SERINC2: variants seen among roughly 807,000 people sequenced by gnomAD.
SERINC2 encodes the protein serine incorporator 2.
SERINC2 carries 56 observed loss-of-function variants against 54.2 expected under a neutral mutation model. That is an observed-to-expected ratio of 1.03 (90% confidence interval 0.83 to 1.29). The LOEUF (loss-of-function observed/expected upper bound fraction) is 1.29, where lower values mean the gene tolerates loss of function less well. Ranked by LOEUF, SERINC2 falls within the 50% of genes most tolerant of loss-of-function variation. The pLI is 0.00. For synonymous variants in SERINC2, 272 were observed against 253.1 expected, an observed-to-expected ratio of 1.07 and a Z score of -0.71; for missense variants, 614 against 607.4, an observed-to-expected ratio of 1.01 and a Z score of -0.12.
chr1:31,433,584 T>C (rs941580060), intron 9 of SERINC2, among the ~76,000 whole-genome samples: 2 of 152,058 alleles, frequency 1.3e-5, no homozygotes, highest in African/African-American at 4.8e-5. Context: ...GGGATTGTGG[T>C]CATTTAGTGT....
upstream of SERINC2, among the ~76,000 whole-genome samples, chr1:31,411,707 G>A (rs190261394): frequency 2.1e-4 from 32 of 152,194 alleles, no homozygotes; most frequent in African/African-American, 5.8e-4. Flanking sequence ...CCTTTAAGAG[G>A]AGGGCATCTG....
chr1:31,420,789 G>C (rs1399145608), intron 1 of SERINC2, among the ~76,000 whole-genome samples: 1 of 152,158 alleles, frequency 6.6e-6, no homozygotes, highest in East Asian at 1.9e-4. Context: ...GCTTAATGTA[G>C]ATAAAGTGCT....
chr1:31,421,947 G>A (rs1553132774), intron 1 of SERINC2, among the ~76,000 whole-genome samples: 1 of 152,022 alleles, frequency 6.6e-6, no homozygotes, highest in African/African-American at 2.4e-5. Context: ...TCCTCCCTTT[G>A]GTCTGGCAGT....
At chr1:31,429,581 G>A in intron 8 of SERINC2, 43 bp downstream of exon 8, 2 of 1,550,250 alleles carry the variant, frequency 1.3e-6, no homozygotes, top group Middle Eastern at 1.7e-4. Flanking sequence ...ATGATTGAGG[G>A]CCCTGAGCCA....
intron 9 of SERINC2, 74 bp downstream of exon 9, chr1:31,433,259 T>G: frequency 6.1e-6 from 8 of 1,309,314 alleles, no homozygotes; most frequent in Non-Finnish European, 8.7e-6. Context: ...CTGCGGCCCT[T>G]CACTGGGTTT....
chr1:31,417,611 T>TA (rs1271780238), intron 1 of SERINC2, among the ~76,000 whole-genome samples: 3 of 152,204 alleles, frequency 2.0e-5, no homozygotes, highest in Non-Finnish European at 2.9e-5. Flanking sequence ...TTGACACTGT[T>TA]ATGCAACCAT....
rs1408072841 is a variant in SERINC2 at position 31,413,616 on chromosome 1, G to A, written c.39+312G>A. Reference sequence around the variant, plus strand: ...CCTGGAGAGACTAAGCCTGGAGCCCGGGGTCGGGGCAGCTCTGTGGGCCCT... The same window carrying A: ...CCTGGAGAGACTAAGCCTGGAGCCCAGGGTCGGGGCAGCTCTGTGGGCCCT... On this transcript the variant is annotated intron_variant, in intron 1 of 9. Coordinates refer to ENST00000373709, the MANE Select transcript of SERINC2 (RefSeq NM_178865.5). This position sits in a 1 kb window ranked among gnomAD's most constrained non-coding sequence, Gnocchi z 5.0. Among the ~76,000 whole-genome samples, 1 of 151,928 alleles carries A rather than the reference G, an allele frequency of 6.6e-6. No homozygotes were observed. Among genetic ancestry groups the A allele is most frequent in the African/African-American group, 2.4e-5 (1 of 41,400 alleles).
chr1:31,428,505 A>C (rs1553133931), intron 6 of SERINC2, among the ~76,000 whole-genome samples: 2 of 152,124 alleles, frequency 1.3e-5, no homozygotes, highest in African/African-American at 4.8e-5. Context: ...GGTGGCTGGC[A>C]GGTGCAGGGC....
At chr1:31,412,959 C>A (rs978302333), upstream of SERINC2, among the ~76,000 whole-genome samples, 2 of 152,190 alleles carry the variant, frequency 1.3e-5, no homozygotes, top group African/African-American at 4.8e-5. Flanking sequence ...GGGCTCAAAC[C>A]GAGGTCGATT....
Position 31,429,505 on chromosome 1 carries a change from T to A in SERINC2, c.980T>A (p.Leu327His). Residue 327 changes from leucine to histidine, a missense_variant, in exon 8 of 10, where the codon CTC (leucine) becomes CAC (histidine). Coordinates refer to ENST00000373709, the MANE Select transcript of SERINC2 (RefSeq NM_178865.5). Reference protein sequence around the residue: ...QWWDAPSIVGLIIFLLCTLFI... With the variant: ...QWWDAPSIVGHIIFLLCTLFI... ...TGGGATGCCCCGAGCATTGTGGGCC[T>A]CATCATCTTCCTCCTGTGCACCCTC... 6.2e-7 allele frequency: 1 copy of A among 1,613,126 alleles called. No homozygotes were observed. The highest frequency in any genetic ancestry group is 1.1e-5 in the South Asian group (1 of 90,918).
At chr1:31,414,947 T>C (rs987366094) in intron 1 of SERINC2, among the ~76,000 whole-genome samples, 1 of 152,176 alleles carries the variant, frequency 6.6e-6, no homozygotes, top group African/African-American at 2.4e-5. Flanking sequence ...GTGCTCCTTG[T>C]GGGAATTATT....
intron 1 of SERINC2, chr1:31,414,075 T>C: frequency 6.7e-7 from 1 of 1,485,092 alleles, no homozygotes; most frequent in Non-Finnish European, 8.9e-7. Flanking sequence ...GTGCGGGTCG[T>C]CACGGACCAC....
chr1:31,433,184 A>G lies in SERINC2; in HGVS notation c.1231A>G (p.Lys411Glu). 2.5e-6 allele frequency: 4 copies of G among 1,612,942 alleles called. No individual in the cohort carries two copies. The highest frequency in any genetic ancestry group is 3.4e-6 in the Non-Finnish European group (4 of 1,179,440). ...HVMMTLTNWYKPGETRKMIST... is the reference protein window; with the variant it reads ...HVMMTLTNWYEPGETRKMIST... ...CATGATGACGCTCACCAACTGGTAC[A>G]AGTGCGTAGCTGGTGGGGCATGGAC... The change falls in exon 9 of 10, where the codon AAG (lysine) becomes GAG (glutamate). Residue 411 changes from lysine to glutamate, a missense_variant and splice_region_variant. Transcript: ENST00000373709.
chr1:31,431,480 A>G (rs1228656779), intron 8 of SERINC2, among the ~76,000 whole-genome samples: 3 of 151,910 alleles, frequency 2.0e-5, no homozygotes, highest in Non-Finnish European at 4.4e-5. Flanking sequence ...GGCCATGAGC[A>G]CATGGTGGCC....
Position 31,434,457 on chromosome 1 carries a change from G to C in SERINC2, c.*258G>C. On this transcript the variant is annotated 3_prime_UTR_variant, in exon 10 of 10. Transcript: ENST00000373709. ...CCTCTTCCTTCCCCTCCTCCCTGTT[G>C]CCCATACTCAGCATCTCGGATGAAA... is the stretch of plus-strand genomic sequence containing the variant. The C allele has an allele frequency of 1.9e-6, 1 of 519,234 alleles. No individual in the cohort carries two copies. The highest frequency in any genetic ancestry group is 3.4e-6 in the Non-Finnish European group (1 of 291,652). 32.2% of individuals were successfully genotyped at this position (519,234 alleles called of 1,614,324 possible).
At chr1:31,411,795 C>T (rs1171471635), upstream of SERINC2, among the ~76,000 whole-genome samples, 1 of 151,800 alleles carries the variant, frequency 6.6e-6, no homozygotes, top group African/African-American at 2.4e-5. Context: ...CCCAGGAGTT[C>T]GAGACTAGCC....
intron 6 of SERINC2, among the ~76,000 whole-genome samples, chr1:31,427,480 G>C (rs1477327038): frequency 1.3e-5 from 2 of 152,166 alleles, no homozygotes; most frequent in Non-Finnish European, 2.9e-5. Flanking sequence ...TCATATCCCA[G>C]TAAGAAAAGC....
At chr1:31,414,929 T>C (rs1423264566) in intron 1 of SERINC2, among the ~76,000 whole-genome samples, 4 of 152,166 alleles carry the variant, frequency 2.6e-5, no homozygotes, top group Non-Finnish European at 5.9e-5. Flanking sequence ...GTTCCTGGCA[T>C]ATCGTGAGTG....
intron 1 of SERINC2, 80 bp from the exon 2 acceptor site, chr1:31,423,613 G>A: frequency 6.9e-7 from 1 of 1,449,694 alleles, no homozygotes; most frequent in Admixed American, 1.9e-5. Flanking sequence ...GCACAGATGC[G>A]CCGACCTCTG....
Sources: gnomAD v4.1 joint callset for allele counts (sites outside exome capture counted in the v4.1 genomes callset) on GRCh38, gnomAD v4.1.1 for gene constraint, Gnocchi (gnomAD v3.1) non-coding constraint, MANE v1.5 for transcripts, NCBI Gene and HGNC (gene_info 2026-07-23, HGNC 2026-07-21) for gene names.